The following FAM177A1 variants were observed in gnomAD, a reference collection of about 807,000 sequenced individuals.
FAM177A1 encodes protein FAM177A1.
FAM177A1 carries 22 observed loss-of-function variants against 26.1 expected under a neutral mutation model. The ratio of observed to expected loss-of-function variants is 0.84; its 90% CI spans 0.60 to 1.20. The LOEUF (loss-of-function observed/expected upper bound fraction) is 1.20. Ranked by LOEUF, FAM177A1 falls within the 50% of genes most tolerant of loss-of-function variation. The pLI is 0.00. For missense variants in FAM177A1, 296 were observed against 291.1 expected, an observed-to-expected ratio of 1.02 and a Z score of -0.12; for synonymous variants, 95 against 99.3, an observed-to-expected ratio of 0.96 and a Z score of 0.26.
At chr14:35,072,199 T>C (rs799479) in intron 2 of FAM177A1, among the ~76,000 whole-genome samples, 125,361 of 151,614 alleles carry the variant, frequency 0.83, 52,130 homozygotes, top group Non-Finnish European at 0.87. Context: ...CACTTGAACC[T>C]GGGAGGCGGA....
chr14:35,056,906 CCTGTT>C (rs1446516193), intron 2 of FAM177A1, among the ~76,000 whole-genome samples: 1 of 151,952 alleles, frequency 6.6e-6, no homozygotes, highest in Non-Finnish European at 1.5e-5. Context: ...GGTTGATTTT[CCTGTT>C]CATTTTGGAT....
At chr14:35,080,857 GAGC>G (rs1361409137) in intron 4 of FAM177A1, among the ~76,000 whole-genome samples, 162 bp from the exon 5 acceptor site, 1 of 149,530 alleles carries the variant, frequency 6.7e-6, no homozygotes, top group Non-Finnish European at 1.5e-5. Context: ...TTCAATTAGA[GAGC>G]AGGAGAAGGG....
At chr14:35,051,786 A>T (rs1405692010) in intron 1 of FAM177A1, among the ~76,000 whole-genome samples, 1 of 152,228 alleles carries the variant, frequency 6.6e-6, no homozygotes, top group Non-Finnish European at 1.5e-5. Context: ...GGTAAAAGGC[A>T]GAGAAGAATC....
intron 2 of FAM177A1, among the ~76,000 whole-genome samples, chr14:35,063,029 CCA>C (rs2045183697): frequency 6.7e-6 from 1 of 149,440 alleles, no homozygotes; most frequent in Non-Finnish European, 1.5e-5. Flanking sequence ...GCCTGTAATC[CCA>C]GCACTTTGGG....
intron 2 of FAM177A1, among the ~76,000 whole-genome samples, chr14:35,071,558 G>A (rs17595975): frequency 6.6e-6 from 1 of 150,810 alleles, no homozygotes; most frequent in African/African-American, 2.4e-5. Flanking sequence ...TCTTTTTTTT[G>A]ATTCAATCAA....
At chr14:35,045,310 T>G (rs2044844278), upstream of FAM177A1, 1 of 152,222 alleles carries the variant, frequency 6.6e-6, no homozygotes, top group Admixed American at 6.5e-5. Flanking sequence ...GATTATTTGT[T>G]TTTTAAAGTT....
At chr14:35,047,840 G>A (rs2044898396) in intron 1 of FAM177A1, among the ~76,000 whole-genome samples, 1 of 152,068 alleles carries the variant, frequency 6.6e-6, no homozygotes, top group African/African-American at 2.4e-5. Context: ...CCATGAGAAT[G>A]AAGCTTTTTC....
At chr14:35,065,587 T>G (rs1371086869) in intron 2 of FAM177A1, among the ~76,000 whole-genome samples, 2 of 152,082 alleles carry the variant, frequency 1.3e-5, no homozygotes, top group Admixed American at 1.3e-4. Context: ...ATTCTTTAAA[T>G]AAAAATGTGT....
chr14:35,045,216 C>T (rs984139551), upstream of FAM177A1: 3 of 152,226 alleles, frequency 2.0e-5, no homozygotes, highest in African/African-American at 7.2e-5. Flanking sequence ...TTTACTTCAG[C>T]AGCAACCTAA....
In FAM177A1 at chr14:35,046,292, T is replaced by G. The variant is rs2044859630; in HGVS notation, c.-172T>G. On this transcript the variant is annotated 5_prime_UTR_variant, in exon 1 of 5. Coordinates refer to ENST00000280987, the MANE Select transcript of FAM177A1 (RefSeq NM_173607.5). Reference sequence around the variant, plus strand: ...CTCCCAGACTGCAGTTGGCCAGCTCTCGGGGTGCGGAGCCCGGCGGGCTAG... The same window carrying G: ...CTCCCAGACTGCAGTTGGCCAGCTCGCGGGGTGCGGAGCCCGGCGGGCTAG... 2.8e-6 allele frequency: 2 copies of G among 718,554 alleles called. No individual in the cohort carries two copies. The highest frequency in any genetic ancestry group is 4.1e-6 in the Non-Finnish European group (2 of 486,872). 44.5% of individuals were successfully genotyped at this position (718,554 alleles called of 1,614,324 possible).
intron 1 of FAM177A1, among the ~76,000 whole-genome samples, chr14:35,049,676 T>C (rs2044932495): frequency 6.6e-6 from 1 of 152,048 alleles, no homozygotes; most frequent in Non-Finnish European, 1.5e-5. Flanking sequence ...TCCCAGCTAC[T>C]CGGGAGGCTG....
intron 3 of FAM177A1, 79 bp downstream of exon 3, chr14:35,077,295 C>A: frequency 1.5e-6 from 2 of 1,302,004 alleles, no homozygotes; most frequent in South Asian, 1.2e-5. Flanking sequence ...TAGGATGTTT[C>A]CAAACTGAAG....
intron 2 of FAM177A1, among the ~76,000 whole-genome samples, chr14:35,075,102 T>C (rs556013423): frequency 6.6e-6 from 1 of 152,338 alleles, no homozygotes; most frequent in South Asian, 2.1e-4. Context: ...CTGTGTTTTC[T>C]TTGGATAAAC....
At chr14:35,060,763 G>A (rs2045139163) in intron 2 of FAM177A1, among the ~76,000 whole-genome samples, 1 of 152,154 alleles carries the variant, frequency 6.6e-6, no homozygotes, top group East Asian at 1.9e-4. Context: ...CCCTTTATTT[G>A]TAGTTTTGCT....
intron 3 of FAM177A1, among the ~76,000 whole-genome samples, chr14:35,077,468 CTTTTTTTT>C (rs150813883): frequency 3.8e-5 from 3 of 79,518 alleles, no homozygotes; most frequent in South Asian, 4.8e-4. Context: ...TTTTCAAGTT[CTTTTTTTT>C]TTTTTTTTTT....
intron 2 of FAM177A1, among the ~76,000 whole-genome samples, chr14:35,054,001 G>T (rs1435390049): frequency 2.0e-5 from 3 of 151,840 alleles, no homozygotes; most frequent in Non-Finnish European, 2.9e-5. Flanking sequence ...TCAAAAAAAA[G>T]ATTTATCTTA....
At position 35,053,452 on chromosome 14, in the gene FAM177A1, G is replaced by A; in HGVS notation, c.339+1G>A. 1.2e-6 allele frequency: 2 copies of A among 1,613,764 alleles called. No homozygotes were observed. Among genetic ancestry groups the A allele is most frequent in the Non-Finnish European group, 1.7e-6 (2 of 1,179,914 alleles). On this transcript the variant is annotated splice_donor_variant, in intron 2 of 4. Transcript: ENST00000280987. LOFTEE classifies it high-confidence loss of function. ...AGATGTTTTGCCTACTGTTGATCCGGTAGGTTTGATATTGATGATTCTTTC... is the reference window on the plus strand; with the variant it reads ...AGATGTTTTGCCTACTGTTGATCCGATAGGTTTGATATTGATGATTCTTTC...
At chr14:35,046,657 G>C in intron 1 of FAM177A1, 29 bp downstream of exon 1, 2 of 1,513,376 alleles carry the variant, frequency 1.3e-6, no homozygotes, top group Middle Eastern at 1.7e-4. Context: ...GCTGACGTCC[G>C]GGGAGCCGAG....
At chr14:35,078,800 T>C (rs2045434892) in intron 3 of FAM177A1, 127 bp from the exon 4 acceptor site, 2 of 588,152 alleles carry the variant, frequency 3.4e-6, no homozygotes, top group East Asian at 6.9e-5. Flanking sequence ...GATAGATCTA[T>C]TAGGTTTTTA....
Sources: allele counts gnomAD v4.1 joint callset (sites outside exome capture counted in the v4.1 genomes callset), GRCh38; gene constraint gnomAD v4.1.1; transcripts MANE v1.5; gene names NCBI Gene and HGNC (gene_info 2026-07-23, HGNC 2026-07-21).